OXNAD1: variants seen among roughly 807,000 people sequenced by gnomAD.
OXNAD1 encodes the protein oxidoreductase NAD-binding domain-containing protein 1.
In OXNAD1, 34 loss-of-function variants were observed where a neutral mutation model predicts 32.9. The ratio of observed to expected loss-of-function variants is 1.03; its 90% CI spans 0.79 to 1.38. OXNAD1 has a LOEUF of 1.38. OXNAD1 is among the 40% of genes most tolerant of loss of function. The pLI, the probability that OXNAD1 is intolerant of heterozygous loss-of-function variation, is 0.00. For synonymous variants in OXNAD1, 134 were observed against 135.2 expected, an observed-to-expected ratio of 0.99 and a Z score of 0.06; for missense variants, 407 against 379.4, an observed-to-expected ratio of 1.07 and a Z score of -0.60.
chr3:16,277,772 A>G lies in OXNAD1; in HGVS notation c.183+6050A>G, dbSNP rs913235803. ...TACTGAATGACCATTTATGATGTTT[A>G]TGCTTCTTACTTGGGACTGTAACTG... On this transcript the variant is annotated intron_variant, in intron 4 of 8. Transcript: ENST00000285083. This position sits in a 1 kb window ranked among gnomAD's most constrained non-coding sequence, Gnocchi z 4.3. Among the ~76,000 whole-genome samples, 1 of 152,220 alleles carries G rather than the reference A, an allele frequency of 6.6e-6. No homozygotes were observed. The highest frequency in any genetic ancestry group is 2.4e-5 in the African/African-American group (1 of 41,450).
In OXNAD1 at chr3:16,329,008, G is replaced by A. The variant is rs2070018752; in HGVS notation, c.*31-8104G>A. Among the ~76,000 whole-genome samples the A allele has an allele frequency of 6.6e-6, 1 of 152,238 alleles. No homozygotes were observed. The highest frequency in any genetic ancestry group is 2.1e-4 in the South Asian group (1 of 4,828). On this transcript the variant is annotated intron_variant, in intron 9 of 9. Transcript: ENST00000435829. This position sits in a 1 kb window ranked among gnomAD's most constrained non-coding sequence, Gnocchi z 4.5. ...AATGTATCCCCCAAAAAGTTTCCAT[G>A]TGTTGAAAACTTAATCCCCAATGCA...
At chr3:16,308,401 G>T (rs143526842), downstream of OXNAD1, among the ~76,000 whole-genome samples, 3 of 152,130 alleles carry the variant, frequency 2.0e-5, no homozygotes, top group Non-Finnish European at 4.4e-5. This position sits in a 1 kb window ranked among gnomAD's most constrained non-coding sequence, Gnocchi z 4.4. Context: ...GCACAAACAC[G>T]TGTGGATGCA....
intron 2 of OXNAD1, among the ~76,000 whole-genome samples, chr3:16,270,472 T>C (rs2064845792): frequency 6.6e-6 from 1 of 152,234 alleles, no homozygotes; most frequent in South Asian, 2.1e-4. Flanking sequence ...AATAGTGTTA[T>C]TATTTTCTGT....
rs1285364049 is a variant in OXNAD1, at chr3:16,284,346, A to G, written c.184-1996A>G. 4.6e-5 allele frequency among the ~76,000 whole-genome samples: 7 copies of G among 152,204 alleles called. No homozygotes were observed. Among genetic ancestry groups the G allele is most frequent in the Non-Finnish European group, 1.0e-4 (7 of 68,040 alleles). On this transcript the variant is annotated intron_variant, in intron 4 of 8. Transcript: ENST00000285083. The surrounding 1 kb of genome is among the most constrained non-coding windows in gnomAD (Gnocchi z 4.1). The stretch of plus-strand genomic sequence containing the variant: ...GTTGCCTGCTGACGGGGATGTTTTG[A>G]TAAATGTGTCATTAGCTGATTGTCA...
chr3:16,308,538 G>A (rs1165618894), downstream of OXNAD1, among the ~76,000 whole-genome samples: 1 of 151,998 alleles, frequency 6.6e-6, no homozygotes, highest in Non-Finnish European at 1.5e-5. The surrounding 1 kb of genome is among the most constrained non-coding windows in gnomAD (Gnocchi z 4.4). Context: ...CCTGAGAGCC[G>A]TTATTTCATC....
Position 16,301,642 on chromosome 3 carries a change from A to C in OXNAD1, c.449A>C (p.Glu150Ala). The change falls in exon 7 of 9, where the codon GAA becomes GCA. Residue 150 changes from glutamate to alanine, a missense_variant. Glu to Ala is a moderately radical substitution (Grantham distance 107). Coordinates refer to ENST00000285083, the MANE Select transcript of OXNAD1 (RefSeq NM_138381.5). The surrounding 1 kb of genome is among the most constrained non-coding windows in gnomAD (Gnocchi z 4.1). ...CTGCCTTAGTGTACACTTGACTGTG[A>C]AGTGGCTGTGAGAGTGGGTGGAGAG... ...WVHNTCTLDC[E>A]VAVRVGGEFF... 1 of 1,613,964 alleles carries C rather than the reference A, an allele frequency of 6.2e-7. No individual in the cohort carries two copies. Among genetic ancestry groups the C allele is most frequent in the South Asian group, 1.1e-5 (1 of 91,084 alleles).
chr3:16,271,001 G>A lies in OXNAD1; in HGVS notation c.49G>A (p.Gly17Arg), dbSNP rs1336841544. The change falls in exon 3 of 9, where the codon GGA becomes AGA. Residue 17 changes from glycine (G) to arginine (R), a missense_variant. Transcript: ENST00000285083. The surrounding 1 kb of genome is among the most constrained non-coding windows in gnomAD (Gnocchi z 4.6). ...MIPGLLRCSV[G>R]AIRIEAASLR... ...TCCTGGGTTGTTGCGGTGCTCTGTTGGAGCCATCCGTATTGAGGCTGCGTC... is the reference window on the plus strand; with the variant it reads ...TCCTGGGTTGTTGCGGTGCTCTGTTAGAGCCATCCGTATTGAGGCTGCGTC... The A allele has an allele frequency of 6.2e-7, 1 of 1,614,192 alleles. No individual in the cohort carries two copies.
At position 16,303,425 on chromosome 3, in the gene OXNAD1, A is replaced by T. The variant is rs750160471; in HGVS notation, c.802A>T (p.Lys268Ter). Reference protein sequence around the residue: ...PYITEGRITEKEIRDHISKET... With the variant: ...PYITEGRITE ...TTTGGTAGAAGGAAGAATAACGGAG[A>T]AGGAGATAAGAGATCATATTTCAAA... is the stretch of plus-strand genomic sequence containing the variant. Residue 268 changes from lysine (K) to a stop codon, truncating the protein, a stop_gained, in exon 9 of 9, where the codon AAG (lysine) becomes TAG (stop). Transcript: ENST00000285083. LOFTEE classifies it high-confidence loss of function. This position sits in a 1 kb window ranked among gnomAD's most constrained non-coding sequence, Gnocchi z 4.8. 6.2e-7 allele frequency: 1 copy of T among 1,613,772 alleles called. No individual in the cohort carries two copies. The highest frequency in any genetic ancestry group is 1.1e-5 in the South Asian group (1 of 91,020).
chr3:16,308,097 C>G (rs1360025945), downstream of OXNAD1, among the ~76,000 whole-genome samples: 1 of 152,160 alleles, frequency 6.6e-6, no homozygotes, highest in Non-Finnish European at 1.5e-5. The surrounding 1 kb of genome is among the most constrained non-coding windows in gnomAD (Gnocchi z 4.4). Context: ...CAAAGGTTAT[C>G]TTAGGAGCAA....
At chr3:16,295,221 G>A (rs748195232) in intron 6 of OXNAD1, among the ~76,000 whole-genome samples, 17 of 152,106 alleles carry the variant, frequency 1.1e-4, no homozygotes, top group Non-Finnish European at 2.5e-4. Flanking sequence ...GTATTCAGTT[G>A]AATACTGCTT....
intron 9 of OXNAD1, among the ~76,000 whole-genome samples, chr3:16,332,001 A>G (rs933474734): frequency 1.6e-4 from 25 of 152,354 alleles, no homozygotes; most frequent in Admixed American, 9.1e-4. Context: ...CTAATATTTT[A>G]ACTGTAACCT....
At position 16,346,523 on chromosome 3, in the gene OXNAD1, C is replaced by T. The variant is rs1191277900; in HGVS notation, c.*31-2653C>T. On this transcript the variant is annotated intron_variant, in intron 9 of 9. Transcript: ENST00000606098. This position sits in a 1 kb window ranked among gnomAD's most constrained non-coding sequence, Gnocchi z 4.4. ...TAGGAGCATCCTGCCTTGCTAGTCC[C>T]CCTCAGTGGCACATTCTGTTGGCTG... The T allele has an allele frequency of 6.6e-6, 1 of 152,126 alleles. No individual in the cohort carries two copies. Among genetic ancestry groups the T allele is most frequent in the Non-Finnish European group, 1.5e-5 (1 of 68,034 alleles). The allele number at this position is 152,126 out of a possible 1,614,324, so 9.4% of individuals were successfully genotyped here. A position where few individuals can be genotyped will look rare whatever the true frequency, so the allele number is the denominator to read the frequency against.
intron 9 of OXNAD1, among the ~76,000 whole-genome samples, chr3:16,343,653 G>A (rs2071456967): frequency 6.6e-6 from 1 of 152,182 alleles, no homozygotes; most frequent in African/African-American, 2.4e-5. Context: ...CATAAATTTG[G>A]TCAAAGATAT....
chr3:16,292,894 T>C (rs1487663529), intron 5 of OXNAD1, among the ~76,000 whole-genome samples: 1 of 152,234 alleles, frequency 6.6e-6, no homozygotes, highest in Non-Finnish European at 1.5e-5. Flanking sequence ...TCTGTCCTTA[T>C]GTCAGTACAA....
intron 4 of OXNAD1, chr3:16,276,377 G>A (rs1259431623): frequency 4.8e-5 from 9 of 187,596 alleles, no homozygotes; most frequent in Non-Finnish European, 8.8e-5. Flanking sequence ...TTACTTGATT[G>A]TCTTCAGGCA....
rs778383066 is a variant in OXNAD1, at chr3:16,321,903, C to T, written c.*31-15209C>T. Among the ~76,000 whole-genome samples, 2 of 152,170 alleles carry T rather than the reference C, an allele frequency of 1.3e-5. No individual in the cohort carries two copies. The highest frequency in any genetic ancestry group is 6.5e-5 in the Admixed American group (1 of 15,276). ...TTCCACTGACTTGTCCCCCTGCATG[C>T]GATGCCATGACCTTCACACCAACAT... is the stretch of plus-strand genomic sequence containing the variant. On this transcript the variant is annotated intron_variant, in intron 9 of 9. Transcript: ENST00000435829. The surrounding 1 kb of genome is among the most constrained non-coding windows in gnomAD (Gnocchi z 4.8).
rs908968643 is a variant in OXNAD1, at chr3:16,304,699, A to C, written c.*1137A>C. The C allele has an allele frequency of 1.3e-5, 2 of 152,268 alleles. No individual in the cohort carries two copies. Among genetic ancestry groups the C allele is most frequent in the Non-Finnish European group, 2.9e-5 (2 of 68,082 alleles). The allele number at this position is 152,268 out of a possible 1,614,324, so 9.4% of individuals were successfully genotyped here. A position where few individuals can be genotyped will look rare whatever the true frequency, so the allele number is the denominator to read the frequency against. ...GCCCAAGGTTGCCTGCATAGAGATC[A>C]CAGGAGGGTGAAGGGAGCCTGGGAA... On this transcript the variant is annotated 3_prime_UTR_variant, in exon 9 of 9. Coordinates refer to ENST00000285083, the MANE Select transcript of OXNAD1 (RefSeq NM_138381.5). The surrounding 1 kb of genome is among the most constrained non-coding windows in gnomAD (Gnocchi z 4.6).
downstream of OXNAD1, among the ~76,000 whole-genome samples, chr3:16,340,989 G>A (rs2071280398): frequency 6.6e-6 from 1 of 152,136 alleles, no homozygotes; most frequent in Admixed American, 6.5e-5. Flanking sequence ...ATTTAAAAAT[G>A]GGCAAAAGTT....
rs1325342959 is a variant in OXNAD1, at chr3:16,304,499, C to A, written c.*937C>A. ...CTAATGTTTTAACTCCTTGCTAAGT[C>A]TGAGATTGGGAGGCAGTCCCCTAGA... On this transcript the variant is annotated 3_prime_UTR_variant, in exon 9 of 9. Coordinates refer to ENST00000285083, the MANE Select transcript of OXNAD1 (RefSeq NM_138381.5). This position sits in a 1 kb window ranked among gnomAD's most constrained non-coding sequence, Gnocchi z 4.6. 1 of 152,220 alleles carries A rather than the reference C, an allele frequency of 6.6e-6. No homozygotes were observed. The highest frequency in any genetic ancestry group is 2.4e-5 in the African/African-American group (1 of 41,454). The allele number at this position is 152,220 out of a possible 1,614,324, so 9.4% of individuals were successfully genotyped here.
Sources: allele counts gnomAD v4.1 joint callset (sites outside exome capture counted in the v4.1 genomes callset), GRCh38; gene constraint gnomAD v4.1.1; non-coding constraint Gnocchi (gnomAD v3.1); transcripts MANE v1.5; gene names NCBI Gene and HGNC (gene_info 2026-07-23, HGNC 2026-07-21).